CAP2: variants seen among roughly 807,000 people sequenced by gnomAD.
CAP2 encodes the protein adenylyl cyclase-associated protein 2.
CAP2 carries 24 observed loss-of-function variants against 57.7 expected under a neutral mutation model. That is an observed-to-expected ratio of 0.42 (90% CI 0.30 to 0.58). The LOEUF is 0.58. CAP2 is among the 20% of genes least tolerant of loss of function. CAP2 has a pLI of 0.22. For synonymous variants in CAP2, 194 were observed against 207.2 expected, an observed-to-expected ratio of 0.94 and a Z score of 0.55; for missense variants, 501 against 590.3, an observed-to-expected ratio of 0.85 and a Z score of 1.57.
chr6:17,408,928 C>G (rs938158285), intron 1 of CAP2, among the ~76,000 whole-genome samples: 4 of 151,684 alleles, frequency 2.6e-5, no homozygotes, highest in African/African-American at 7.2e-5. Flanking sequence ...CTCGGCCTCC[C>G]CAAGTGCTGG....
intron 1 of CAP2, among the ~76,000 whole-genome samples, chr6:17,417,274 A>ATTTT (rs34818674): frequency 7.3e-6 from 1 of 137,242 alleles, no homozygotes; most frequent in African/African-American, 2.7e-5. Context: ...TTTAAAACTG[A>ATTTT]TTTTTTTTTT....
chr6:17,398,810 C>T lies in CAP2; in HGVS notation c.-2+5064C>T, dbSNP rs142376255. ...AAGTGCTGGAATTACATGCGTGAGC[C>T]ACCGTGCCCGGTCCGATTTTAAACA... On this transcript the variant is annotated intron_variant, in intron 1 of 12. Transcript: ENST00000229922. 8.8e-3 allele frequency among the ~76,000 whole-genome samples: 1,337 copies of T among 152,290 alleles called. 13 individuals are homozygous for T. The highest frequency in any genetic ancestry group is 0.014 in the Non-Finnish European group (931 of 68,022).
intron 11 of CAP2, among the ~76,000 whole-genome samples, chr6:17,547,437 A>C (rs1291510367): frequency 6.6e-6 from 1 of 152,206 alleles, no homozygotes; most frequent in Admixed American, 6.5e-5. Context: ...ATTCCCATTA[A>C]AATTCTGCAG....
chr6:17,472,056 C>CAACACAAAA (rs1398795622), intron 4 of CAP2, among the ~76,000 whole-genome samples: 4 of 38,676 alleles, frequency 1.0e-4, no homozygotes, highest in African/African-American at 3.0e-4. Flanking sequence ...CTGAATGGGC[C>CAACACAAAA]GGGCGCGGTG....
intron 1 of CAP2, among the ~76,000 whole-genome samples, chr6:17,412,325 G>T (rs893470683): frequency 2.0e-5 from 3 of 152,160 alleles, no homozygotes; most frequent in African/African-American, 4.8e-5. Context: ...AGCCAGTACC[G>T]AATGTAGCTC....
intron 4 of CAP2, among the ~76,000 whole-genome samples, chr6:17,482,465 C>A (rs972543749): frequency 2.2e-5 from 3 of 136,750 alleles, no homozygotes; most frequent in Non-Finnish European, 4.5e-5. Context: ...GCCGAGATCG[C>A]GCCACTGCAC....
rs531590616 is a variant in CAP2, at chr6:17,446,282, T to A, written c.223-16714T>A. Among the ~76,000 whole-genome samples the A allele has an allele frequency of 2.0e-4, 30 of 152,230 alleles. No individual in the cohort carries two copies. In the South Asian group the frequency reaches 5.8e-3, roughly 29 times the overall value. ...ATGCTGACACCTAGGGGAATGTGAG[T>A]TTAATTAGAGAAAGTCAAAGACATA... On this transcript the variant is annotated intron_variant, in intron 3 of 12. Transcript: ENST00000229922.
intron 4 of CAP2, among the ~76,000 whole-genome samples, chr6:17,482,972 A>T (rs371226476): frequency 6.6e-6 from 1 of 152,248 alleles, no homozygotes; most frequent in Non-Finnish European, 1.5e-5. Context: ...CCAGTTGTTT[A>T]GCGTGTCCTG....
intron 3 of CAP2, among the ~76,000 whole-genome samples, chr6:17,461,992 C>CAAAAAAAAAAAAAAAAAAAAAAAAA (rs567675285): frequency 3.2e-4 from 9 of 27,860 alleles, no homozygotes; most frequent in East Asian, 2.2e-3. Flanking sequence ...GACTCCGTCT[C>CAAAAAAAAAAAAAAAAAAAAAAAAA]AAAAAAAAAA....
intron 7 of CAP2, among the ~76,000 whole-genome samples, chr6:17,524,917 G>C (rs537036891): frequency 7.6e-6 from 1 of 130,742 alleles, no homozygotes; most frequent in South Asian, 2.3e-4. Flanking sequence ...TTTTGAGTTG[G>C]AGTTTCGCTC....
intron 7 of CAP2, chr6:17,530,818 CT>C (rs35589543): frequency 0.059 from 30,086 of 512,756 alleles, 10 homozygotes; most frequent in Middle Eastern, 0.085. Flanking sequence ...TGGTCTCCCA[CT>C]TTTTTTTTTT....
rs777803474 is a variant in CAP2, at chr6:17,406,398, C to CTTTTTTTTTTTTT, written c.-2+12655_-2+12667dup. Among the ~76,000 whole-genome samples, 136 of 102,458 alleles carry CTTTTTTTTTTTTT rather than the reference C, an allele frequency of 1.3e-3. 23 individuals carry two copies. Among genetic ancestry groups the CTTTTTTTTTTTTT allele is most frequent in the African/African-American group, 7.1e-3 (121 of 16,986 alleles). The allele number at this position is 102,458 out of a possible 152,430, so 67.2% of individuals were successfully genotyped here. On this transcript the variant is annotated intron_variant, in intron 1 of 12. Transcript: ENST00000229922. The stretch of plus-strand genomic sequence containing the variant: ...CTTTTCTGTCAGTAAGCCCAGATTT[C>CTTTTTTTTTTTTT]TTTTTTTTTTTTTTTGAGGCAGTCT...
intron 4 of CAP2, among the ~76,000 whole-genome samples, chr6:17,475,688 C>T (rs1242999819): frequency 2.6e-5 from 4 of 152,090 alleles, no homozygotes; most frequent in Non-Finnish European, 5.9e-5. Flanking sequence ...ATCCAGCTGG[C>T]CTGATATTTA....
At chr6:17,444,364 C>T (rs1466650013) in intron 3 of CAP2, among the ~76,000 whole-genome samples, 1 of 152,132 alleles carries the variant, frequency 6.6e-6, no homozygotes, top group Non-Finnish European at 1.5e-5. Flanking sequence ...ATCAGCTAGG[C>T]GTGGTGGCTC....
At chr6:17,540,612 C>T (rs1156465552) in intron 8 of CAP2, among the ~76,000 whole-genome samples, 5 of 151,944 alleles carry the variant, frequency 3.3e-5, no homozygotes, top group Non-Finnish European at 7.4e-5. Context: ...ATTAGCTAAG[C>T]GTGTGGTGGT....
At chr6:17,464,783 A>G (rs1269780119) in intron 4 of CAP2, among the ~76,000 whole-genome samples, 1 of 152,196 alleles carries the variant, frequency 6.6e-6, no homozygotes, top group East Asian at 1.9e-4. Flanking sequence ...TGCTCTTCTC[A>G]ATCTCTGCTT....
At position 17,539,225 on chromosome 6, in the gene CAP2, C is replaced by T. The variant is rs183478516; in HGVS notation, c.637-44C>T. 1.1e-4 allele frequency: 176 copies of T among 1,547,290 alleles called. 1 individual carries two copies. In the African/African-American group the frequency reaches 2.1e-3, roughly 19 times the overall value. On this transcript the variant is annotated intron_variant, in intron 7 of 12. Transcript: ENST00000229922. Reference sequence around the variant, plus strand: ...CTCTCGGGCAAAATCCCAGCAAGGGCGCAGTCTCAATGCAATGCAATGCCC... The same window carrying T: ...CTCTCGGGCAAAATCCCAGCAAGGGTGCAGTCTCAATGCAATGCAATGCCC...
In CAP2 at chr6:17,557,614, C is replaced by T. The variant is rs1435596275; in HGVS notation, c.*1172C>T. On this transcript the variant is annotated 3_prime_UTR_variant, in exon 13 of 13. Transcript: ENST00000229922. ...TACAGCCTTTGGAATACATTGTTTC[C>T]ATTTTTTAAATATCTTCTATATCCA... 3.3e-5 allele frequency: 5 copies of T among 152,106 alleles called. No homozygotes were observed. Among genetic ancestry groups the T allele is most frequent in the African/African-American group, 1.2e-4 (5 of 41,414 alleles). The allele number at this position is 152,106 out of a possible 1,614,324, so 9.4% of individuals were successfully genotyped here. A position where few individuals can be genotyped will look rare whatever the true frequency, so the allele number is the denominator to read the frequency against.
intron 4 of CAP2, among the ~76,000 whole-genome samples, chr6:17,466,952 A>G (rs1279348821): frequency 1.3e-5 from 2 of 152,168 alleles, no homozygotes; most frequent in Non-Finnish European, 2.9e-5. Context: ...ATAATGACTC[A>G]TATAATTATT....
Sources: allele counts gnomAD v4.1 joint callset (sites outside exome capture counted in the v4.1 genomes callset), GRCh38; gene constraint gnomAD v4.1.1; transcripts MANE v1.5; gene names NCBI Gene and HGNC (gene_info 2026-07-23, HGNC 2026-07-21).